The following RNF111 variants were observed in gnomAD, a reference collection of about 807,000 sequenced individuals.
The protein encoded by RNF111 is E3 ubiquitin-protein ligase Arkadia.
A neutral mutation model predicts 95.1 loss-of-function variants in RNF111; 17 were observed. The ratio of observed to expected loss-of-function variants is 0.18; its 90% CI spans 0.12 to 0.27. The LOEUF is 0.27. Among genes scored for constraint, RNF111 ranks in the 10% least tolerant of loss-of-function variants. The pLI is 1.00. For missense variants in RNF111, 1,189 were observed against 1,210.4 expected (o/e 0.98, Z 0.26); for synonymous variants, 440 against 414.8 (o/e 1.06, Z -0.74).
At chr15:58,988,583 G>A (rs1213639925) in intron 1 of RNF111, among the ~76,000 whole-genome samples, 1 of 152,224 alleles carries the variant, frequency 6.6e-6, no homozygotes, top group Non-Finnish European at 1.5e-5. Flanking sequence ...TTTTACTATT[G>A]TCCTTCGATA....
chr15:59,027,994 T>G (rs1208133439), intron 1 of RNF111, among the ~76,000 whole-genome samples: 1 of 151,794 alleles, frequency 6.6e-6, no homozygotes, highest in African/African-American at 2.4e-5. Context: ...CCCGGATAAT[T>G]TTTTGTATTT....
chr15:58,987,716 AAGCGGCGGCGGCGGCTGT>A lies in RNF111; in HGVS notation c.-369_-352del. 1 of 179,482 alleles carries A rather than the reference AAGCGGCGGCGGCGGCTGT, an allele frequency of 5.6e-6. No individual in the cohort carries two copies. The highest frequency in any genetic ancestry group is 1.1e-5 in the Non-Finnish European group (1 of 88,190). 11.1% of individuals were successfully genotyped at this position (179,482 alleles called of 1,614,324 possible). ...AATTGGTTAGGCGGCGGCGGCGGCG[AAGCGGCGGCGGCGGCTGT>A]AGGGGAGCAGCGGCAGTGGCGGCGA... is the stretch of plus-strand genomic sequence containing the variant. On this transcript the variant is annotated 5_prime_UTR_variant, in exon 1 of 14. Coordinates refer to ENST00000348370, the MANE Select transcript of RNF111 (RefSeq NM_017610.8).
intron 1 of RNF111, among the ~76,000 whole-genome samples, chr15:58,995,836 T>C (rs1434143617): frequency 6.6e-6 from 1 of 150,776 alleles, no homozygotes; most frequent in East Asian, 2.0e-4. Flanking sequence ...AAGCACATCT[T>C]ATTTCTTTCC....
At chr15:59,028,165 C>T (rs1482272240) in intron 1 of RNF111, among the ~76,000 whole-genome samples, 1 of 152,160 alleles carries the variant, frequency 6.6e-6, no homozygotes, top group African/African-American at 2.4e-5. Context: ...TCCGATGATC[C>T]CCAGCCCTAG....
At chr15:59,039,786 G>C (rs2041358752) in intron 2 of RNF111, among the ~76,000 whole-genome samples, 1 of 150,988 alleles carries the variant, frequency 6.6e-6, no homozygotes, top group African/African-American at 2.4e-5. Flanking sequence ...GTGCGATATT[G>C]GCTCAGTACA....
chr15:59,065,056 G>A (rs1243375548), intron 5 of RNF111, among the ~76,000 whole-genome samples: 2 of 151,882 alleles, frequency 1.3e-5, no homozygotes, highest in Non-Finnish European at 2.9e-5. Context: ...GATTAGCTAG[G>A]TACTTTGAGC....
At chr15:59,005,531 T>G in intron 1 of RNF111, among the ~76,000 whole-genome samples, 2 of 152,228 alleles carry the variant, frequency 1.3e-5, no homozygotes, top group East Asian at 3.8e-4. Context: ...GATTTTATTT[T>G]TATTTATTTT....
intron 9 of RNF111, among the ~76,000 whole-genome samples, chr15:59,085,308 T>TAACATTCA (rs1410383440): frequency 6.6e-6 from 1 of 152,176 alleles, no homozygotes; most frequent in Non-Finnish European, 1.5e-5. Flanking sequence ...AGAGCATCTG[T>TAACATTCA]AACATTCAGA....
chr15:59,003,133 C>G (rs764201197), intron 1 of RNF111, among the ~76,000 whole-genome samples: 7 of 151,950 alleles, frequency 4.6e-5, no homozygotes, highest in Non-Finnish European at 5.9e-5. Flanking sequence ...TTTCTTTTTT[C>G]GAGACAAGGT....
In RNF111 at chr15:59,096,065, C is replaced by T. The variant is rs1290725299; in HGVS notation, c.*1165C>T. 2 of 398,448 alleles carry T rather than the reference C, an allele frequency of 5.0e-6. No individual in the cohort carries two copies. Among genetic ancestry groups the T allele is most frequent in the Non-Finnish European group, 8.9e-6 (2 of 225,854 alleles). 24.7% of individuals were successfully genotyped at this position (398,448 alleles called of 1,614,324 possible). Reference sequence around the variant, plus strand: ...CTACTGTTGCTATGGTTATATACTCCCACTTCATACATTACCAAGAGTCGA... The same window carrying T: ...CTACTGTTGCTATGGTTATATACTCTCACTTCATACATTACCAAGAGTCGA... On this transcript the variant is annotated 3_prime_UTR_variant, in exon 14 of 14. Transcript: ENST00000348370.
intron 6 of RNF111, among the ~76,000 whole-genome samples, chr15:59,068,092 T>G (rs563471229): frequency 2.0e-5 from 3 of 152,156 alleles, no homozygotes; most frequent in Non-Finnish European, 2.9e-5. Flanking sequence ...GATTATGATA[T>G]AAGTCTGCGT....
At position 59,095,753 on chromosome 15, in the gene RNF111, T is replaced by G. The variant is rs1209795986; in HGVS notation, c.*853T>G. The G allele has an allele frequency of 2.8e-6, 1 of 352,316 alleles. No individual in the cohort carries two copies. Among genetic ancestry groups the G allele is most frequent in the Admixed American group, 4.7e-5 (1 of 21,388 alleles). The allele number at this position is 352,316 out of a possible 1,614,324, so 21.8% of individuals were successfully genotyped here. ...AGATTTAACAAAATTTTAGGGAAAT[T>G]GAAAAAGACATGTAGAATTTGTTGT... is the stretch of plus-strand genomic sequence containing the variant. On this transcript the variant is annotated 3_prime_UTR_variant, in exon 14 of 14. Transcript: ENST00000348370.
At chr15:59,050,830 A>T (rs2041945724) in intron 2 of RNF111, among the ~76,000 whole-genome samples, 1 of 152,226 alleles carries the variant, frequency 6.6e-6, no homozygotes, top group African/African-American at 2.4e-5. Context: ...ACAATACGTT[A>T]TTGCTAATCA....
intron 5 of RNF111, among the ~76,000 whole-genome samples, chr15:59,066,055 A>G (rs1360406763): frequency 6.6e-6 from 1 of 152,202 alleles, no homozygotes; most frequent in Admixed American, 6.5e-5. Context: ...TGCATTATGT[A>G]GGAAGGATTT....
intron 5 of RNF111, among the ~76,000 whole-genome samples, chr15:59,060,807 AT>A (rs201470570): frequency 1.7e-4 from 24 of 144,256 alleles, no homozygotes; most frequent in Admixed American, 2.1e-4. Context: ...TATTATTATT[AT>A]TTTTTTTTTT....
chr15:59,075,669 A>G (rs573508545), intron 6 of RNF111, among the ~76,000 whole-genome samples: 1 of 152,304 alleles, frequency 6.6e-6, no homozygotes, highest in Admixed American at 6.5e-5. Flanking sequence ...AGATTTTAAT[A>G]TATTAAACTT....
chr15:59,026,058 T>C (rs774646017), intron 1 of RNF111, among the ~76,000 whole-genome samples: 6 of 152,074 alleles, frequency 3.9e-5, no homozygotes, highest in East Asian at 3.8e-4. Context: ...TAAAATCTTA[T>C]TTCTTTAGAG....
intron 1 of RNF111, among the ~76,000 whole-genome samples, chr15:59,012,547 T>A (rs2039876213): frequency 6.6e-6 from 1 of 152,038 alleles, no homozygotes; most frequent in Non-Finnish European, 1.5e-5. Flanking sequence ...ACACAAGAAA[T>A]GTGTTTATTT....
At chr15:59,022,581 C>CCTTGTGCCTACACAAAAAA (rs1453582406) in intron 1 of RNF111, among the ~76,000 whole-genome samples, 2 of 152,206 alleles carry the variant, frequency 1.3e-5, no homozygotes, top group Non-Finnish European at 2.9e-5. Flanking sequence ...ATCCCTTGTG[C>CCTTGTGCCTACACAAAAAA]AGTCCTCTTT....
Sources: allele counts gnomAD v4.1 joint callset (sites outside exome capture counted in the v4.1 genomes callset), GRCh38; gene constraint gnomAD v4.1.1; transcripts MANE v1.5; gene names NCBI Gene and HGNC (gene_info 2026-07-23, HGNC 2026-07-21).